MTA3: variants seen among roughly 807,000 people sequenced by gnomAD.
MTA3 encodes the protein metastasis associated 1 family member 3.
A neutral mutation model predicts 83.5 loss-of-function variants in MTA3; 34 were observed. That is an observed-to-expected ratio of 0.41 (90% CI 0.31 to 0.54). The LOEUF is 0.54. Ranked by LOEUF, MTA3 falls within the 20% of genes least tolerant of loss-of-function variation. The probability of loss-of-function intolerance (pLI) is 0.33; values close to 1 mark genes in which losing one functional copy is unlikely to be tolerated. For synonymous variants in MTA3, 303 were observed against 252.7 expected (o/e 1.20, Z -1.89); for missense variants, 761 against 726.4 (o/e 1.05, Z -0.55).
chr2:42,636,626 C>CTTTTTTTTT (rs869057645), intron 4 of MTA3, among the ~76,000 whole-genome samples: 1 of 130,084 alleles, frequency 7.7e-6, no homozygotes, highest in Non-Finnish European at 1.6e-5. Context: ...CTCTTTCTTT[C>CTTTTTTTTT]TTTTTTTTTT....
At chr2:42,598,314 C>T (rs1682102487) in intron 3 of MTA3, among the ~76,000 whole-genome samples, 1 of 149,282 alleles carries the variant, frequency 6.7e-6, no homozygotes, top group Admixed American at 6.7e-5. Flanking sequence ...ATCCACCCGC[C>T]TCGGCCTCCC....
In MTA3 at chr2:42,622,461, T is replaced by A. The variant is rs547124474; in HGVS notation, c.317+12877T>A. ...GAGGGATCTTATTAGAGTTTTATAT[T>A]TGTTTCGGGAAATAGTAATTATTCA... On this transcript the variant is annotated intron_variant, in intron 4 of 16. Coordinates refer to ENST00000405094, the MANE Select transcript of MTA3 (RefSeq NM_001330442.2). 7.5e-4 allele frequency among the ~76,000 whole-genome samples: 114 copies of A among 152,140 alleles called. 1 individual carries two copies. The highest frequency in any genetic ancestry group is 2.6e-3 in the African/African-American group (109 of 41,518).
At chr2:42,659,486 C>G (rs549289366) in intron 7 of MTA3, 23 of 172,800 alleles carry the variant, frequency 1.3e-4, no homozygotes, top group Middle Eastern at 2.5e-3. Flanking sequence ...CATGTTATAA[C>G]AGAGCTTCCC....
chr2:42,729,086 GTTTTTTTTTTT>G (rs1216600680), intron 16 of MTA3, among the ~76,000 whole-genome samples: 3 of 60,142 alleles, frequency 5.0e-5, no homozygotes, highest in Non-Finnish European at 8.9e-5. Flanking sequence ...CACAGTTTGA[GTTTTTTTTTTT>G]TTTTTTTTTT....
At chr2:42,643,158 C>T (rs892430083) in intron 5 of MTA3, among the ~76,000 whole-genome samples, 16 of 149,876 alleles carry the variant, frequency 1.1e-4, no homozygotes, top group Non-Finnish European at 1.9e-4. Context: ...TTTTCCCTTT[C>T]CCCTTATCAC....
chr2:42,561,580 C>A (rs746201112), intron 2 of MTA3, among the ~76,000 whole-genome samples: 2 of 152,162 alleles, frequency 1.3e-5, no homozygotes, highest in African/African-American at 4.8e-5. Flanking sequence ...ACCTCTGCCT[C>A]CCAAAGTGCT....
At chr2:42,688,107 A>C (rs1025136619) in intron 9 of MTA3, among the ~76,000 whole-genome samples, 3 of 152,174 alleles carry the variant, frequency 2.0e-5, no homozygotes, top group African/African-American at 7.2e-5. Flanking sequence ...AGTTAGAAAA[A>C]CAGGACCACT....
intron 8 of MTA3, among the ~76,000 whole-genome samples, chr2:42,674,596 CTTTTTTTT>C (rs34154066): frequency 3.5e-5 from 4 of 114,332 alleles, no homozygotes; most frequent in South Asian, 3.0e-4. Context: ...TTTTCTTCTT[CTTTTTTTT>C]TTTTTTTTTT....
intron 2 of MTA3, among the ~76,000 whole-genome samples, chr2:42,578,115 C>T (rs1382681459): frequency 2.0e-5 from 3 of 152,166 alleles, no homozygotes; most frequent in African/African-American, 7.2e-5. Context: ...AAATTTACTG[C>T]AGCACTTATA....
chr2:42,561,346 G>T (rs1677665222), intron 2 of MTA3, among the ~76,000 whole-genome samples: 1 of 148,198 alleles, frequency 6.7e-6, no homozygotes. Flanking sequence ...TTTTTTAGAT[G>T]GAATCTCGCT....
At chr2:42,691,369 C>CGT (rs757511955) in intron 9 of MTA3, among the ~76,000 whole-genome samples, 2 of 150,258 alleles carry the variant, frequency 1.3e-5, no homozygotes, top group Non-Finnish European at 3.0e-5. Context: ...GAACATCGTA[C>CGT]ACACACACAC....
At chr2:42,732,465 G>A (rs1668298064) in intron 16 of MTA3, among the ~76,000 whole-genome samples, 1 of 152,144 alleles carries the variant, frequency 6.6e-6, no homozygotes, top group South Asian at 2.1e-4. Context: ...CACAGCACAG[G>A]GACCCTGGGC....
chr2:42,686,325 A>G (rs1474867982), intron 9 of MTA3, among the ~76,000 whole-genome samples: 1 of 152,236 alleles, frequency 6.6e-6, no homozygotes, highest in Non-Finnish European at 1.5e-5. Flanking sequence ...TATACACAGT[A>G]AAATTCACTC....
At chr2:42,512,107 C>T (rs1442459314) in intron 2 of MTA3, among the ~76,000 whole-genome samples, 1 of 150,882 alleles carries the variant, frequency 6.6e-6, no homozygotes, top group African/African-American at 2.4e-5. Flanking sequence ...ATCTGGAAGA[C>T]TGGGAGGGTT....
At chr2:42,732,125 T>C (rs995355936) in intron 16 of MTA3, among the ~76,000 whole-genome samples, 1 of 152,202 alleles carries the variant, frequency 6.6e-6, no homozygotes, top group African/African-American at 2.4e-5. Context: ...ACGGCTGCAC[T>C]AGGCAGTGCC....
chr2:42,498,065 C>A (rs1674226735), intron 2 of MTA3, among the ~76,000 whole-genome samples: 1 of 152,180 alleles, frequency 6.6e-6, no homozygotes, highest in Non-Finnish European at 1.5e-5. Flanking sequence ...ACCGTTTCCC[C>A]CAAAGCTTTA....
At chr2:42,522,555 G>A (rs1314376807) in intron 2 of MTA3, among the ~76,000 whole-genome samples, 1 of 152,080 alleles carries the variant, frequency 6.6e-6, no homozygotes, top group Non-Finnish European at 1.5e-5. Context: ...CAGCACTTTG[G>A]GAGGCTAAAA....
intron 16 of MTA3, among the ~76,000 whole-genome samples, chr2:42,729,102 T>TTTTTTTG (rs1668056577): frequency 1.6e-5 from 2 of 125,484 alleles, no homozygotes; most frequent in African/African-American, 6.4e-5. Flanking sequence ...TTTTTTTTTT[T>TTTTTTTG]TTTTTTTTTT....
chr2:42,591,544 T>A (rs1406128354), intron 3 of MTA3, among the ~76,000 whole-genome samples: 1 of 152,216 alleles, frequency 6.6e-6, no homozygotes, highest in Non-Finnish European at 1.5e-5. Context: ...TTTTGACTCT[T>A]GTAATAACAA....
Sources: gnomAD v4.1 joint callset for allele counts (sites outside exome capture counted in the v4.1 genomes callset) on GRCh38, gnomAD v4.1.1 for gene constraint, MANE v1.5 for transcripts, NCBI Gene and HGNC (gene_info 2026-07-23, HGNC 2026-07-21) for gene names.